The following EPSTI1 variants were observed in gnomAD, a reference collection of about 807,000 sequenced individuals.
The protein encoded by EPSTI1 is epithelial stromal interaction 1.
Under a neutral mutation model 49.9 loss-of-function variants are expected in EPSTI1, and 66 were observed. The ratio of observed to expected loss-of-function variants is 1.32; its 90% CI spans 1.08 to 1.62. The LOEUF is 1.62. Ranked by LOEUF, EPSTI1 falls within the 40% of genes most tolerant of loss-of-function variation. The pLI is 0.00. For missense variants in EPSTI1, 394 were observed against 365.5 expected, an observed-to-expected ratio of 1.08 and a Z score of -0.64; for synonymous variants, 137 against 130.7, an observed-to-expected ratio of 1.05 and a Z score of -0.33.
chr13:42,917,641 A>AG lies in EPSTI1; in HGVS notation c.658-18dup. The AG allele has an allele frequency of 4.5e-6, 6 of 1,335,908 alleles. No individual in the cohort carries two copies. Among genetic ancestry groups the AG allele is most frequent in the Non-Finnish European group, 5.0e-6 (5 of 1,002,400 alleles). The allele number at this position is 1,335,908 out of a possible 1,614,324, so 82.8% of individuals were successfully genotyped here. On this transcript the variant is annotated splice_polypyrimidine_tract_variant and intron_variant, in intron 7 of 10. Transcript: ENST00000313624. Reference sequence around the variant, plus strand: ...GCTTCTGGCCTGTAAAGGTACAAAGAGAAAAAAAAAAAAAAAAACAACTTG... The same window carrying AG: ...GCTTCTGGCCTGTAAAGGTACAAAGAGGAAAAAAAAAAAAAAAAACAACTTG...
chr13:42,909,179 GA>G (rs1290309964), intron 8 of EPSTI1, among the ~76,000 whole-genome samples: 1 of 152,124 alleles, frequency 6.6e-6, no homozygotes, highest in Non-Finnish European at 1.5e-5. Context: ...ACAGGTATAT[GA>G]AAAAATGCTC....
intron 9 of EPSTI1, among the ~76,000 whole-genome samples, chr13:42,898,523 C>T (rs1365053242): frequency 2.0e-5 from 3 of 152,084 alleles, no homozygotes; most frequent in Admixed American, 6.5e-5. Context: ...AAAATCTCTT[C>T]TTGGATTAAA....
At chr13:42,987,773 G>A (rs541321828) in intron 1 of EPSTI1, among the ~76,000 whole-genome samples, 1 of 152,254 alleles carries the variant, frequency 6.6e-6, no homozygotes, top group East Asian at 1.9e-4. Flanking sequence ...CTTATTTTGT[G>A]TTGAATAGTT....
rs183724528 is a variant in EPSTI1 at position 42,952,438 on chromosome 13, T to C, written c.563+1510A>G. 8.8e-4 allele frequency among the ~76,000 whole-genome samples: 134 copies of C among 152,238 alleles called. 1 individual carries two copies. The highest frequency in any genetic ancestry group is 3.0e-3 in the African/African-American group (125 of 41,542). On this transcript the variant is annotated intron_variant, in intron 6 of 10. Transcript: ENST00000313624. ...AGCCCAGCCCCTAATCTCTCTCAAC[T>C]CTTCCGGCTGAGCCTCAAAATAAAT... is the stretch of plus-strand genomic sequence containing the variant.
At chr13:42,925,500 C>A (rs1296679269) in intron 7 of EPSTI1, among the ~76,000 whole-genome samples, 1 of 152,008 alleles carries the variant, frequency 6.6e-6, no homozygotes, top group Non-Finnish European at 1.5e-5. Context: ...CCCTTCATGC[C>A]CAGGGCCTAG....
chr13:42,959,908 A>G (rs2039394630), intron 5 of EPSTI1, among the ~76,000 whole-genome samples: 1 of 152,226 alleles, frequency 6.6e-6, no homozygotes, highest in Admixed American at 6.5e-5. Context: ...TATACTGAAT[A>G]TGTAAGACTA....
chr13:42,964,332 T>C (rs563994205), intron 3 of EPSTI1, among the ~76,000 whole-genome samples, 193 bp from the exon 4 acceptor site: 27 of 148,464 alleles, frequency 1.8e-4, no homozygotes, highest in African/African-American at 7.1e-4. Context: ...AAGAGCTGGA[T>C]AGAAAGAGGA....
rs1566119943 is a variant in EPSTI1 at position 42,922,485 on chromosome 13, C to G, written c.657+3851G>C. 1.3e-5 allele frequency among the ~76,000 whole-genome samples: 2 copies of G among 152,252 alleles called. No individual in the cohort carries two copies. The highest frequency in any genetic ancestry group is 4.8e-5 in the African/African-American group (2 of 41,542). On this transcript the variant is annotated intron_variant, in intron 7 of 10. Coordinates refer to ENST00000313624, the MANE Select transcript of EPSTI1 (RefSeq NM_033255.5). The surrounding 1 kb of genome is among the most constrained non-coding windows in gnomAD (Gnocchi z 4.8). ...GCCGTGTGCCAAGGGTTTGCGGGGA[C>G]AGGGGACAGATGCCCCCCGGAAGCT...
intron 6 of EPSTI1, among the ~76,000 whole-genome samples, chr13:42,936,690 C>T (rs2038575824): frequency 6.6e-6 from 1 of 152,166 alleles, no homozygotes; most frequent in Non-Finnish European, 1.5e-5. Context: ...TATTTACATG[C>T]TAATATAATT....
intron 8 of EPSTI1, among the ~76,000 whole-genome samples, chr13:42,903,693 T>C (rs2037423171): frequency 6.6e-6 from 1 of 152,240 alleles, no homozygotes; most frequent in Admixed American, 6.5e-5. Context: ...GATGATGGAC[T>C]AGCCGACTAC....
intron 7 of EPSTI1, among the ~76,000 whole-genome samples, chr13:42,923,765 A>T (rs1476804314): frequency 6.6e-6 from 1 of 152,208 alleles, no homozygotes; most frequent in African/African-American, 2.4e-5. Flanking sequence ...TCCTAAGCCA[A>T]AAGGAATTTT....
chr13:42,957,477 A>C (rs1370699728), intron 5 of EPSTI1, among the ~76,000 whole-genome samples: 1 of 152,234 alleles, frequency 6.6e-6, no homozygotes, highest in East Asian at 1.9e-4. Flanking sequence ...AAGCATCAAT[A>C]GTGGAAAAAC....
At chr13:42,950,470 G>A (rs1289661939) in intron 6 of EPSTI1, among the ~76,000 whole-genome samples, 1 of 152,192 alleles carries the variant, frequency 6.6e-6, no homozygotes, top group African/African-American at 2.4e-5. Context: ...TAAAAGCCTA[G>A]TTTTCTGCCT....
intron 6 of EPSTI1, among the ~76,000 whole-genome samples, chr13:42,944,396 G>A (rs543012451): frequency 1.6e-4 from 24 of 152,220 alleles, no homozygotes; most frequent in African/African-American, 5.1e-4. Flanking sequence ...GGAAACCATC[G>A]TTCTCAGAAA....
intron 6 of EPSTI1, among the ~76,000 whole-genome samples, chr13:42,943,368 C>T (rs2038820950): frequency 6.6e-6 from 1 of 152,194 alleles, no homozygotes; most frequent in Admixed American, 6.5e-5. Context: ...CTCTGCTGTC[C>T]TTGTTGGAGT....
intron 5 of EPSTI1, among the ~76,000 whole-genome samples, chr13:42,955,876 T>A (rs1486782529): frequency 3.9e-5 from 1 of 25,540 alleles, no homozygotes; most frequent in African/African-American, 9.9e-5. Flanking sequence ...GAAGAAGTAT[T>A]TGGGGGGGGG....
chr13:42,942,985 GC>G (rs749356376), intron 6 of EPSTI1, among the ~76,000 whole-genome samples: 17 of 152,166 alleles, frequency 1.1e-4, no homozygotes, highest in Non-Finnish European at 2.4e-4. Flanking sequence ...ACCGCGCCCA[GC>G]CCTGATTCTT....
At chr13:42,925,423 A>G (rs939366694) in intron 7 of EPSTI1, among the ~76,000 whole-genome samples, 2 of 151,796 alleles carry the variant, frequency 1.3e-5, no homozygotes, top group African/African-American at 4.8e-5. Context: ...GCATTTCTAC[A>G]TGTCTCATTG....
intron 3 of EPSTI1, among the ~76,000 whole-genome samples, chr13:42,965,847 G>A (rs1290811129): frequency 3.6e-5 from 2 of 55,308 alleles, no homozygotes; most frequent in African/African-American, 1.0e-4. Flanking sequence ...ATGCGGAGCC[G>A]AAGCTGGACT....
Sources: gnomAD v4.1 joint callset for allele counts (sites outside exome capture counted in the v4.1 genomes callset) on GRCh38, gnomAD v4.1.1 for gene constraint, Gnocchi (gnomAD v3.1) non-coding constraint, MANE v1.5 for transcripts, NCBI Gene and HGNC (gene_info 2026-07-23, HGNC 2026-07-21) for gene names.